Variants in SORBS2 observed in about 807,000 individuals in gnomAD.
SORBS2 encodes sorbin and SH3 domain containing 2.
In SORBS2, 46 loss-of-function variants were observed where a neutral mutation model predicts 97.7. The observed-to-expected ratio is 0.47, with a 90% confidence interval of 0.37 to 0.60. SORBS2 has a LOEUF of 0.60. SORBS2 is among the 20% of genes least tolerant of loss of function. The pLI, the probability that SORBS2 is intolerant of heterozygous loss-of-function variation, is 0.00. For synonymous variants in SORBS2, 476 were observed against 473.4 expected, an observed-to-expected ratio of 1.01 and a Z score of -0.07; for missense variants, 1,316 against 1,282.3, an observed-to-expected ratio of 1.03 and a Z score of -0.40.
intron 12 of SORBS2, among the ~76,000 whole-genome samples, chr4:185,610,733 T>A (rs895099716): frequency 6.6e-6 from 1 of 152,156 alleles, no homozygotes; most frequent in African/African-American, 2.4e-5. Context: ...TTTAGTAACA[T>A]CTGATATGTT....
At chr4:185,680,718 C>CT (rs1399828570) in intron 2 of SORBS2, among the ~76,000 whole-genome samples, 12 of 151,990 alleles carry the variant, frequency 7.9e-5, no homozygotes, top group Admixed American at 7.9e-4. Flanking sequence ...GACCCAGAGG[C>CT]TTGGAGGTGC....
chr4:185,769,796 T>C (rs2153621504), intron 2 of SORBS2, among the ~76,000 whole-genome samples: 1 of 152,306 alleles, frequency 6.6e-6, no homozygotes, highest in East Asian at 1.9e-4. Context: ...AGCCTAATAC[T>C]ACTATTTTTT....
At chr4:185,677,032 C>A in intron 4 of SORBS2, 1 of 1,551,148 alleles carries the variant, frequency 6.4e-7, no homozygotes, top group South Asian at 1.2e-5. Context: ...GCCGCTGCAA[C>A]TGCAGATTTT....
chr4:185,726,968 T>G (rs1477918233), intron 2 of SORBS2, among the ~76,000 whole-genome samples: 4 of 152,158 alleles, frequency 2.6e-5, no homozygotes, highest in Non-Finnish European at 5.9e-5. Context: ...CCTTGTTTTA[T>G]ATTTACTTGA....
intron 1 of SORBS2, among the ~76,000 whole-genome samples, chr4:185,806,509 G>A (rs11132352): frequency 0.46 from 59,643 of 130,550 alleles, 14,391 homozygotes; most frequent in East Asian, 0.63. Flanking sequence ...CCAGGCTGGA[G>A]TGCAGTGGCG....
intron 3 of SORBS2, among the ~76,000 whole-genome samples, chr4:185,648,237 G>T (rs1220618250): frequency 6.6e-6 from 1 of 152,092 alleles, no homozygotes; most frequent in East Asian, 1.9e-4. Context: ...GCTGGGACTG[G>T]CTGGGTGCAG....
At chr4:185,621,493 A>G (rs2153420712) in intron 7 of SORBS2, among the ~76,000 whole-genome samples, 1 of 152,304 alleles carries the variant, frequency 6.6e-6, no homozygotes, top group East Asian at 1.9e-4. Context: ...AAGCCTGGAG[A>G]AGGTAGCTAA....
intron 1 of SORBS2, among the ~76,000 whole-genome samples, chr4:185,779,222 C>G (rs1312410984): frequency 6.6e-6 from 1 of 152,068 alleles, no homozygotes; most frequent in Non-Finnish European, 1.5e-5. Context: ...TGCCTGGGTT[C>G]GAATCCTCAT....
rs143599800 is a variant in SORBS2, at chr4:185,826,437, T to C, written c.-337-51071A>G. ...TCATGGAAATCTTTCTGGAGTTTTCTTATAAATCTTTTCTTTTTTCTTTGC... is the reference window on the plus strand; with the variant it reads ...TCATGGAAATCTTTCTGGAGTTTTCCTATAAATCTTTTCTTTTTTCTTTGC... On this transcript the variant is annotated intron_variant, in intron 1 of 20. Coordinates refer to the SORBS2 transcript ENST00000284776. Among the ~76,000 whole-genome samples the C allele has an allele frequency of 7.1e-3, 1,077 of 152,310 alleles. 9 individuals are homozygous for C. The highest frequency in any genetic ancestry group is 0.024 in the African/African-American group (986 of 41,558).
chr4:185,801,796 A>T (rs1034491219), intron 1 of SORBS2, among the ~76,000 whole-genome samples: 1 of 152,170 alleles, frequency 6.6e-6, no homozygotes, highest in African/African-American at 2.4e-5. Flanking sequence ...CAAAAAGTTC[A>T]TCTCAAAGTT....
intron 2 of SORBS2, among the ~76,000 whole-genome samples, chr4:185,743,260 G>C (rs781609246): frequency 2.0e-5 from 3 of 152,138 alleles, no homozygotes; most frequent in Non-Finnish European, 1.5e-5. Context: ...CTGTTAATAA[G>C]TCTTTTGAGC....
At chr4:185,784,186 C>T (rs1050415994) in intron 1 of SORBS2, among the ~76,000 whole-genome samples, 4 of 152,148 alleles carry the variant, frequency 2.6e-5, no homozygotes, top group African/African-American at 9.7e-5. Context: ...GGCTAGAGTG[C>T]AGTGACGGGA....
chr4:185,877,654 G>A (rs1307296870), intron 1 of SORBS2, among the ~76,000 whole-genome samples: 4 of 151,986 alleles, frequency 2.6e-5, no homozygotes, highest in Non-Finnish European at 5.9e-5. Context: ...ATCACCTGAG[G>A]TCAGGAGTTT....
At chr4:185,809,403 T>C (rs1298365753) in intron 1 of SORBS2, among the ~76,000 whole-genome samples, 1 of 131,946 alleles carries the variant, frequency 7.6e-6, no homozygotes, top group African/African-American at 3.0e-5. Context: ...AAAGCAGCTG[T>C]CCTTGCAGGG....
chr4:185,821,055 C>A (rs1158645494), intron 1 of SORBS2, among the ~76,000 whole-genome samples: 1 of 152,224 alleles, frequency 6.6e-6, no homozygotes, highest in African/African-American at 2.4e-5. Flanking sequence ...TAAAGCACTG[C>A]CCACCTTCTG....
At chr4:185,949,751 CAG>C (rs1421511679) in intron 1 of SORBS2, among the ~76,000 whole-genome samples, 3 of 152,072 alleles carry the variant, frequency 2.0e-5, no homozygotes, top group African/African-American at 4.8e-5. Context: ...TAAACAAACA[CAG>C]TGTGAAATTC....
intron 2 of SORBS2, among the ~76,000 whole-genome samples, chr4:185,739,236 A>G (rs2098707516): frequency 6.6e-6 from 1 of 152,260 alleles, no homozygotes; most frequent in South Asian, 2.1e-4. Context: ...CAAAGTCAAA[A>G]AGCTGAATAA....
chr4:185,634,318 TTG>T (rs2096958357), intron 4 of SORBS2, among the ~76,000 whole-genome samples: 1 of 152,224 alleles, frequency 6.6e-6, no homozygotes, highest in Admixed American at 6.5e-5. Context: ...GTTCTACTGG[TTG>T]TGTTTCCCAG....
intron 2 of SORBS2, among the ~76,000 whole-genome samples, chr4:185,765,568 T>C (rs1234905207): frequency 6.6e-6 from 1 of 152,218 alleles, no homozygotes; most frequent in African/African-American, 2.4e-5. Flanking sequence ...AATTATCACT[T>C]TGATTTCAGA....
Sources: gnomAD v4.1 joint callset for allele counts (sites outside exome capture counted in the v4.1 genomes callset) on GRCh38, gnomAD v4.1.1 for gene constraint, MANE v1.5 for transcripts, NCBI Gene and HGNC (gene_info 2026-07-23, HGNC 2026-07-21) for gene names.